C2orf80: variants seen among roughly 807,000 people sequenced by gnomAD.
The protein encoded by C2orf80 is uncharacterized protein C2orf80.
A neutral mutation model predicts 30.2 loss-of-function variants in C2orf80; 28 were observed. The ratio of observed to expected loss-of-function variants is 0.93; its 90% CI spans 0.69 to 1.27. The LOEUF is 1.27. Among genes scored for constraint, C2orf80 ranks in the 50% most tolerant of loss-of-function variants. C2orf80 has a pLI of 0.00. For synonymous variants in C2orf80, 80 were observed against 76.4 expected, an observed-to-expected ratio of 1.05 and a Z score of -0.24; for missense variants, 220 against 231.0, an observed-to-expected ratio of 0.95 and a Z score of 0.31.
chr2:208,169,199 G>A (rs2166447), intron 8 of C2orf80, among the ~76,000 whole-genome samples: 147,930 of 151,698 alleles, frequency 0.98, 72,233 homozygotes, highest in Middle Eastern at 1. Flanking sequence ...TGAGGCTTGC[G>A]GGGGGTGTCT....
At position 208,176,834 on chromosome 2, in the gene C2orf80, G is replaced by A. The variant is rs369197372; in HGVS notation, c.366+3911C>T. 9.1e-4 allele frequency among the ~76,000 whole-genome samples: 73 copies of A among 79,786 alleles called. 1 individual carries two copies. The South Asian group carries it at 0.043, about 47-fold the overall frequency. 52.3% of individuals were successfully genotyped at this position (79,786 alleles called of 152,430 possible). A position where few individuals can be genotyped will look rare whatever the true frequency, so the allele number is the denominator to read the frequency against. ...CCTAGTGCTTAACATTACACAACCT[G>A]CCTCTCAGATAATATATCTATATAT... On this transcript the variant is annotated intron_variant, in intron 6 of 8. Coordinates refer to ENST00000341287, the MANE Select transcript of C2orf80 (RefSeq NM_001099334.3).
At chr2:208,176,551 C>T (rs1696302194) in intron 6 of C2orf80, among the ~76,000 whole-genome samples, 1 of 152,192 alleles carries the variant, frequency 6.6e-6, no homozygotes, top group Non-Finnish European at 1.5e-5. Flanking sequence ...AAACATCCCA[C>T]AATGCACAGG....
intron 6 of C2orf80, among the ~76,000 whole-genome samples, chr2:208,176,669 A>G (rs976655437): frequency 3.3e-5 from 5 of 152,000 alleles, no homozygotes; most frequent in Admixed American, 2.6e-4. Context: ...AACTTACTTC[A>G]TTCCCACGAC....
chr2:208,189,033 A>C (rs1696801761), intron 1 of C2orf80, among the ~76,000 whole-genome samples: 2 of 152,154 alleles, frequency 1.3e-5, no homozygotes, highest in African/African-American at 4.8e-5. Context: ...TATCCGAAAA[A>C]GATGGGCCTG....
chr2:208,188,327 A>AT, intron 1 of C2orf80, among the ~76,000 whole-genome samples: 1 of 152,300 alleles, frequency 6.6e-6, no homozygotes, highest in South Asian at 2.1e-4. Flanking sequence ...CGGTTTTTTG[A>AT]AAATGGTACC....
chr2:208,185,075 G>A, intron 2 of C2orf80, 43 bp from the exon 3 acceptor site: 3 of 1,490,330 alleles, frequency 2.0e-6, no homozygotes, highest in Non-Finnish European at 2.8e-6. Flanking sequence ...GAGTGACACG[G>A]GCTCAGTCTG....
At chr2:208,189,908 A>C (rs1242619511) in intron 1 of C2orf80, 45 bp downstream of exon 1, 2 of 702,796 alleles carry the variant, frequency 2.8e-6, no homozygotes, top group Non-Finnish European at 5.2e-6. Flanking sequence ...GGGCTGTTCT[A>C]TTAAGTGCCT....
intron 4 of C2orf80, among the ~76,000 whole-genome samples, chr2:208,182,663 A>T (rs1433397729): frequency 1.3e-5 from 2 of 152,226 alleles, no homozygotes; most frequent in African/African-American, 4.8e-5. Flanking sequence ...AGCCTCCCAG[A>T]GTGCTGGGAT....
At chr2:208,177,039 C>CAT (rs1374389082) in intron 6 of C2orf80, among the ~76,000 whole-genome samples, 1,335 of 63,184 alleles carry the variant, frequency 0.021, 23 homozygotes, top group African/African-American at 0.068. Flanking sequence ...ATATAGTACA[C>CAT]ATATATACTA....
chr2:208,177,645 C>G (rs1465069875), intron 6 of C2orf80, among the ~76,000 whole-genome samples: 1 of 151,906 alleles, frequency 6.6e-6, no homozygotes, highest in Non-Finnish European at 1.5e-5. Flanking sequence ...CTGTTTAGAG[C>G]TGGTTATTGT....
intron 6 of C2orf80, among the ~76,000 whole-genome samples, chr2:208,174,767 T>C (rs967995737): frequency 1.3e-5 from 2 of 152,218 alleles, no homozygotes; most frequent in South Asian, 2.1e-4. Flanking sequence ...ACTCGAATGA[T>C]AGCCAGTCAG....
At position 208,171,107 on chromosome 2, in the gene C2orf80, T is replaced by A. The variant is rs200401125; in HGVS notation, c.455-44A>T. 481 of 1,278,800 alleles carry A rather than the reference T, an allele frequency of 3.8e-4. 2 individuals are homozygous for A. Among genetic ancestry groups the A allele is most frequent in the Admixed American group, 2.0e-3 (102 of 51,208 alleles). The allele number at this position is 1,278,800 out of a possible 1,614,324, so 79.2% of individuals were successfully genotyped here. On this transcript the variant is annotated intron_variant, in intron 7 of 8. Coordinates refer to ENST00000341287, the MANE Select transcript of C2orf80 (RefSeq NM_001099334.3). ...ACCATATCTGTATATAAAACTTTTT[T>A]AAAAATGTGTCCATCCAAAGTTTCA...
Position 208,171,050 on chromosome 2 carries a change from TCTTGA to T in C2orf80, c.463_467del (p.Ser155LysfsTer6), listed in dbSNP as rs780268399. The T allele has an allele frequency of 1.7e-5, 28 of 1,613,492 alleles. No individual in the cohort carries two copies. The Admixed American group carries it at 1.8e-4, about 11-fold the overall frequency. On this transcript the variant is annotated frameshift_variant, in exon 8 of 9. Coordinates refer to ENST00000341287, the MANE Select transcript of C2orf80 (RefSeq NM_001099334.3). LOFTEE classifies it high-confidence loss of function. Reference sequence around the variant, plus strand: ...TGGCATTTTTATTTGTTGTTACCTTTCTTGACTTGACACCTACAGACAGATGCAGT... The same window carrying T: ...TGGCATTTTTATTTGTTGTTACCTTTCTTGACACCTACAGACAGATGCAGT...
rs397755731 is a variant in C2orf80 at position 208,165,617 on chromosome 2, T to TC, written c.*189_*190insG. ...AGCATAAGGTCACAGTTTTTTTTTT[T>TC]AAGAAAATGTAGCCATGCAATATGC... On this transcript the variant is annotated 3_prime_UTR_variant, in exon 9 of 9. Coordinates refer to ENST00000341287, the MANE Select transcript of C2orf80 (RefSeq NM_001099334.3). 1.6e-6 allele frequency: 1 copy of TC among 611,476 alleles called. No homozygotes were observed. The highest frequency in any genetic ancestry group is 2.7e-6 in the Non-Finnish European group (1 of 377,264). The allele number at this position is 611,476 out of a possible 1,614,324, so 37.9% of individuals were successfully genotyped here. A position where few individuals can be genotyped will look rare whatever the true frequency, so the allele number is the denominator to read the frequency against.
At position 208,187,058 on chromosome 2, in the gene C2orf80, G is replaced by C; in HGVS notation, c.-72C>G. 7.1e-7 allele frequency: 1 copy of C among 1,407,706 alleles called. No homozygotes were observed. The allele number at this position is 1,407,706 out of a possible 1,614,324, so 87.2% of individuals were successfully genotyped here. ...CTTAGACCCAGCTTCTCTGAGTCTA[G>C]AGGCTACAGCAGCAAATCAGAGAGA... On this transcript the variant is annotated 5_prime_UTR_variant, in exon 2 of 9. Transcript: ENST00000341287.
rs1012882622 is a variant in C2orf80 at position 208,180,761 on chromosome 2, T to C, written c.350A>G (p.Asp117Gly). Residue 117 changes from aspartate (D) to glycine (G), a missense_variant, in exon 6 of 9, where the codon GAT becomes GGT. By Grantham distance (94) the Asp-to-Gly change is moderately conservative. Transcript: ENST00000341287. ...CACCCTTACCTTGATGGTACCAGAATCGGCAGAAGAATCAGCCCCATAAAT... is the reference window on the plus strand; with the variant it reads ...CACCCTTACCTTGATGGTACCAGAACCGGCAGAAGAATCAGCCCCATAAAT... ...FKIYGADSSA[D>G]SGTIKVPRVS... The C allele has an allele frequency of 6.2e-7, 1 of 1,613,562 alleles. No individual in the cohort carries two copies. Among genetic ancestry groups the C allele is most frequent in the Non-Finnish European group, 8.5e-7 (1 of 1,179,640 alleles).
At chr2:208,187,345 G>A (rs1163813900) in intron 1 of C2orf80, among the ~76,000 whole-genome samples, 6 of 152,166 alleles carry the variant, frequency 3.9e-5, no homozygotes, top group African/African-American at 1.4e-4. Flanking sequence ...AATAGCTGAT[G>A]AGACTATTCG....
chr2:208,189,490 T>C (rs1317487141), intron 1 of C2orf80, among the ~76,000 whole-genome samples: 2 of 152,250 alleles, frequency 1.3e-5, no homozygotes, highest in Non-Finnish European at 2.9e-5. Context: ...AATTTGCCTA[T>C]GTTTTTTCAT....
In C2orf80 at chr2:208,171,853, C is replaced by T. The variant is rs766554716; in HGVS notation, c.454+135G>A. ...TGGAGGGAAATCAAGCCCTAAGAGC[C>T]CCTGGTTCTTTTAAATTCAACCAGA... On this transcript the variant is annotated intron_variant, in intron 7 of 8. Transcript: ENST00000341287. The T allele has an allele frequency of 2.8e-4, 221 of 803,448 alleles. 1 individual carries two copies. The highest frequency in any genetic ancestry group is 3.9e-4 in the Non-Finnish European group (178 of 453,366). The allele number at this position is 803,448 out of a possible 1,614,324, so 49.8% of individuals were successfully genotyped here.
Sources: gnomAD v4.1 joint callset for allele counts (sites outside exome capture counted in the v4.1 genomes callset) on GRCh38, gnomAD v4.1.1 for gene constraint, MANE v1.5 for transcripts, NCBI Gene and HGNC (gene_info 2026-07-23, HGNC 2026-07-21) for gene names.